OR9Q1: variants seen among roughly 807,000 people sequenced by gnomAD.
OR9Q1 encodes the protein olfactory receptor 9Q1.
For missense variants in OR9Q1, 374 were observed against 378.8 expected (o/e 0.99, Z 0.11); for synonymous variants, 153 against 148.6 (o/e 1.03, Z -0.22).
At chr11:58,091,176 C>A (rs188436936) in intron 2 of OR9Q1, among the ~76,000 whole-genome samples, 97 of 152,010 alleles carry the variant, frequency 6.4e-4, no homozygotes, top group Middle Eastern at 3.4e-3. Context: ...TATTTCTTGC[C>A]TTCTGCTAGC....
chr11:58,108,166 C>G (rs542862206), intron 2 of OR9Q1, among the ~76,000 whole-genome samples: 2 of 152,276 alleles, frequency 1.3e-5, no homozygotes, highest in South Asian at 4.1e-4. Flanking sequence ...CTTTCCCTAT[C>G]TATTCTAATT....
chr11:58,025,793 T>C (rs909056968), intron 1 of OR9Q1, among the ~76,000 whole-genome samples: 2 of 152,168 alleles, frequency 1.3e-5, no homozygotes, highest in African/African-American at 4.8e-5. Context: ...TTAACCACTG[T>C]GCTCTCCTGA....
chr11:58,158,355 A>G (rs1262951392), intron 2 of OR9Q1, among the ~76,000 whole-genome samples: 2 of 151,468 alleles, frequency 1.3e-5, no homozygotes, highest in African/African-American at 4.9e-5. Flanking sequence ...ACTCTTGGGC[A>G]GATTTTCCAC....
chr11:58,157,091 C>A (rs1854414904), intron 2 of OR9Q1, among the ~76,000 whole-genome samples: 1 of 152,166 alleles, frequency 6.6e-6, no homozygotes. Context: ...CAGCCCCAAC[C>A]AACTGCTAGG....
intron 2 of OR9Q1, among the ~76,000 whole-genome samples, chr11:58,114,021 T>A (rs189369272): frequency 6.6e-6 from 1 of 152,274 alleles, no homozygotes; most frequent in African/African-American, 2.4e-5. Context: ...GCTGTGAGAA[T>A]CTGAAACCCA....
chr11:58,064,013 G>A lies in OR9Q1; in HGVS notation c.-15+8066G>A, dbSNP rs1853405303. Among the ~76,000 whole-genome samples the A allele has an allele frequency of 4.6e-5, 7 of 152,174 alleles. No individual in the cohort carries two copies. In the South Asian group the frequency reaches 1.5e-3, roughly 32 times the overall value. ...TGCTGTCATCAGCCCTCAGATCATG[G>A]TTGGTTGGCGAGTGCAGGGCCTCCA... On this transcript the variant is annotated intron_variant, in intron 2 of 2. Coordinates refer to ENST00000335397, the MANE Select transcript of OR9Q1 (RefSeq NM_001005212.4).
chr11:58,032,193 C>T (rs142179259), intron 1 of OR9Q1, among the ~76,000 whole-genome samples: 62 of 152,194 alleles, frequency 4.1e-4, no homozygotes, highest in African/African-American at 1.2e-3. Flanking sequence ...CAAAGCAATC[C>T]GCAGATTCAA....
chr11:58,081,167 A>G (rs1226173851), intron 2 of OR9Q1, among the ~76,000 whole-genome samples: 2 of 152,124 alleles, frequency 1.3e-5, no homozygotes, highest in Admixed American at 6.5e-5. Context: ...TTGTGGCTGC[A>G]TAGTATTCCA....
At chr11:58,085,698 T>G (rs1853627725) in intron 2 of OR9Q1, among the ~76,000 whole-genome samples, 1 of 152,004 alleles carries the variant, frequency 6.6e-6, no homozygotes, top group Admixed American at 6.5e-5. Flanking sequence ...TCCCTCAAAT[T>G]TGGATTTTAT....
intron 2 of OR9Q1, among the ~76,000 whole-genome samples, chr11:58,090,217 C>T (rs1853671110): frequency 6.6e-6 from 1 of 152,176 alleles, no homozygotes; most frequent in Non-Finnish European, 1.5e-5. Flanking sequence ...GCATCCTTGT[C>T]TTGTGCCGGT....
chr11:58,053,113 G>A (rs953735624), intron 1 of OR9Q1, among the ~76,000 whole-genome samples: 18 of 151,712 alleles, frequency 1.2e-4, no homozygotes, highest in Non-Finnish European at 2.4e-4. Flanking sequence ...ATACCCAAAG[G>A]ACTATAAATC....
chr11:58,071,543 G>T (rs1201460739), intron 2 of OR9Q1, among the ~76,000 whole-genome samples: 1 of 151,968 alleles, frequency 6.6e-6, no homozygotes, highest in East Asian at 1.9e-4. Context: ...AGGGGAAAGA[G>T]CCTAGCGAAG....
At chr11:58,059,177 G>A (rs931338047) in intron 2 of OR9Q1, among the ~76,000 whole-genome samples, 10 of 152,272 alleles carry the variant, frequency 6.6e-5, no homozygotes, top group South Asian at 6.2e-4. Flanking sequence ...GGAATGCAGC[G>A]GACTAAAGAA....
chr11:58,032,633 A>T (rs1049217661), intron 1 of OR9Q1, among the ~76,000 whole-genome samples: 1 of 152,234 alleles, frequency 6.6e-6, no homozygotes, highest in Non-Finnish European at 1.5e-5. Flanking sequence ...AAAGACTTAA[A>T]TATAAGACCT....
At chr11:58,036,674 G>A (rs1409622687) in intron 1 of OR9Q1, among the ~76,000 whole-genome samples, 1 of 152,220 alleles carries the variant, frequency 6.6e-6, no homozygotes, top group Non-Finnish European at 1.5e-5. Flanking sequence ...GGATGACTTT[G>A]AGGGGTTCAA....
chr11:58,167,576 A>G (rs1206417867), intron 2 of OR9Q1, among the ~76,000 whole-genome samples: 2 of 152,170 alleles, frequency 1.3e-5, no homozygotes, highest in East Asian at 1.9e-4. Flanking sequence ...AGTTGCGTCT[A>G]TGGGTCAACT....
intron 2 of OR9Q1, among the ~76,000 whole-genome samples, chr11:58,161,328 G>A (rs1296460161): frequency 1.3e-5 from 2 of 151,848 alleles, no homozygotes; most frequent in African/African-American, 4.8e-5. Flanking sequence ...GTTCTACAAG[G>A]CAGAGTAGGT....
chr11:58,101,666 G>A (rs984618118), intron 2 of OR9Q1, among the ~76,000 whole-genome samples: 2 of 152,074 alleles, frequency 1.3e-5, no homozygotes, highest in Non-Finnish European at 2.9e-5. Context: ...TCTTGTTTTG[G>A]TTGCATTTGG....
chr11:58,059,119 G>C (rs972723129), intron 2 of OR9Q1, among the ~76,000 whole-genome samples: 1 of 152,068 alleles, frequency 6.6e-6, no homozygotes, highest in East Asian at 1.9e-4. Flanking sequence ...CAGGTCCTTC[G>C]AAAGCCTGTG....
Sources: gnomAD v4.1 joint callset for allele counts (sites outside exome capture counted in the v4.1 genomes callset) on GRCh38, gnomAD v4.1.1 for gene constraint, MANE v1.5 for transcripts, NCBI Gene and HGNC (gene_info 2026-07-23, HGNC 2026-07-21) for gene names.